CADM2: variants seen among roughly 807,000 people sequenced by gnomAD.
CADM2 encodes the protein immunoglobulin superfamily member 4D.
CADM2 carries 12 observed loss-of-function variants against 49.8 expected under a neutral mutation model. The observed-to-expected ratio is 0.24, with a 90% CI of 0.15 to 0.39. CADM2 has a LOEUF of 0.39. Among genes scored for constraint, CADM2 ranks in the 10% least tolerant of loss-of-function variants. CADM2 has a pLI of 1.00. For synonymous variants in CADM2, 214 were observed against 175.4 expected (o/e 1.22, Z -1.74); for missense variants, 378 against 492.3 (o/e 0.77, Z 2.20).
At chr3:85,770,523 T>G (rs1577272008) in intron 2 of CADM2, among the ~76,000 whole-genome samples, 2 of 152,238 alleles carry the variant, frequency 1.3e-5, no homozygotes, top group East Asian at 3.9e-4. Flanking sequence ...CTCACTACGT[T>G]GCTCAGGCTA....
At chr3:85,474,024 T>C (rs910427664) in intron 1 of CADM2, among the ~76,000 whole-genome samples, 5 of 152,034 alleles carry the variant, frequency 3.3e-5, no homozygotes, top group African/African-American at 1.2e-4. Flanking sequence ...AGTGAAGTTT[T>C]ACTCATGAAA....
At chr3:85,687,701 A>G (rs532863936) in intron 1 of CADM2, among the ~76,000 whole-genome samples, 21 of 152,314 alleles carry the variant, frequency 1.4e-4, no homozygotes, top group Admixed American at 4.6e-4. Context: ...ATATGCAAAC[A>G]TGAGATTGAA....
At chr3:85,541,421 A>C (rs1189617666) in intron 1 of CADM2, among the ~76,000 whole-genome samples, 3 of 151,030 alleles carry the variant, frequency 2.0e-5, no homozygotes, top group African/African-American at 7.3e-5. Flanking sequence ...AGTATTACCA[A>C]AGTTTTGACA....
At chr3:85,543,579 T>A (rs909331803) in intron 1 of CADM2, among the ~76,000 whole-genome samples, 3 of 152,090 alleles carry the variant, frequency 2.0e-5, no homozygotes, top group Non-Finnish European at 4.4e-5. Context: ...CCACCGCACC[T>A]GGCCAAGTTC....
intron 1 of CADM2, among the ~76,000 whole-genome samples, chr3:85,602,461 T>G (rs965733253): frequency 6.6e-6 from 1 of 151,934 alleles, no homozygotes; most frequent in Non-Finnish European, 1.5e-5. Flanking sequence ...AGACTTAATC[T>G]CTACATTCCA....
intron 8 of CADM2, among the ~76,000 whole-genome samples, chr3:86,032,710 C>T (rs1478428916): frequency 1.3e-5 from 2 of 151,794 alleles, no homozygotes; most frequent in Non-Finnish European, 2.9e-5. Context: ...TGAAATGAAG[C>T]TCATAGGCAA....
Position 85,297,942 on chromosome 3 carries a change from A to C in CADM2, c.61+338274A>C, listed in dbSNP as rs576395606. Among the ~76,000 whole-genome samples, 3 of 152,198 alleles carry C rather than the reference A, an allele frequency of 2.0e-5. No homozygotes were observed. The South Asian group carries it at 6.2e-4, about 32-fold the overall frequency. On this transcript the variant is annotated intron_variant, in intron 1 of 9. Coordinates refer to ENST00000383699, the MANE Select transcript of CADM2 (RefSeq NM_001167675.2). ...ATAAATATTTGTTAGATGCCTTGAAAGGAAGAAATAAAAAACTGAAGACAT... is the reference window on the plus strand; with the variant it reads ...ATAAATATTTGTTAGATGCCTTGAACGGAAGAAATAAAAAACTGAAGACAT...
At chr3:85,725,034 A>T (rs1302078284) in intron 1 of CADM2, among the ~76,000 whole-genome samples, 1 of 151,902 alleles carries the variant, frequency 6.6e-6, no homozygotes, top group Admixed American at 6.6e-5. Flanking sequence ...AAATCTTCAC[A>T]ATAATATTGT....
chr3:85,750,615 T>C (rs2068820570), intron 2 of CADM2, among the ~76,000 whole-genome samples: 2 of 152,244 alleles, frequency 1.3e-5, no homozygotes, highest in Admixed American at 1.3e-4. Flanking sequence ...TTATTTCCCT[T>C]TCTCATGGTA....
chr3:85,123,864 A>G (rs1007183358), intron 1 of CADM2, among the ~76,000 whole-genome samples: 1 of 152,194 alleles, frequency 6.6e-6, no homozygotes, highest in Non-Finnish European at 1.5e-5. Context: ...AAATTGCACA[A>G]GACAAATTTT....
intron 1 of CADM2, among the ~76,000 whole-genome samples, chr3:85,663,444 G>A (rs147097426): frequency 6.6e-6 from 1 of 151,728 alleles, no homozygotes; most frequent in Non-Finnish European, 1.5e-5. Context: ...CTTTCATCTG[G>A]TGATTCTGCT....
intron 5 of CADM2, among the ~76,000 whole-genome samples, chr3:85,909,901 G>A (rs545800864): frequency 2.2e-4 from 34 of 152,256 alleles, no homozygotes; most frequent in African/African-American, 7.9e-4. Flanking sequence ...GGGGAAGAAG[G>A]TCAGCCTAAA....
intron 1 of CADM2, among the ~76,000 whole-genome samples, chr3:85,710,525 A>T (rs73147242): frequency 0.21 from 31,850 of 152,008 alleles, 4,175 homozygotes; most frequent in Non-Finnish European, 0.29. Flanking sequence ...GGAACATTGG[A>T]TATATTTTAT....
chr3:85,724,569 A>G (rs1479354914), intron 1 of CADM2, among the ~76,000 whole-genome samples: 1 of 152,010 alleles, frequency 6.6e-6, no homozygotes, highest in African/African-American at 2.4e-5. Context: ...AAAATATGCA[A>G]CTATTAAAAT....
intron 7 of CADM2, among the ~76,000 whole-genome samples, chr3:85,957,305 A>G (rs1026995389): frequency 1.3e-5 from 2 of 151,650 alleles, no homozygotes; most frequent in South Asian, 2.1e-4. Flanking sequence ...AACGATACAT[A>G]TTATTATATT....
intron 1 of CADM2, among the ~76,000 whole-genome samples, chr3:85,505,572 G>A (rs1157602658): frequency 6.6e-6 from 1 of 152,168 alleles, no homozygotes; most frequent in Non-Finnish European, 1.5e-5. Flanking sequence ...TAACATTAAT[G>A]TGTTTTGCTT....
chr3:85,412,162 T>C (rs1443555915), intron 1 of CADM2, among the ~76,000 whole-genome samples: 1 of 152,090 alleles, frequency 6.6e-6, no homozygotes, highest in East Asian at 1.9e-4. Flanking sequence ...GCCTTACACA[T>C]ATATAGAATT....
chr3:85,836,341 A>G (rs568785882), intron 3 of CADM2, among the ~76,000 whole-genome samples: 19 of 151,632 alleles, frequency 1.3e-4, no homozygotes, highest in Non-Finnish European at 1.5e-4. Context: ...AGTGAAAGAA[A>G]AGAAAAAACT....
chr3:86,049,932 C>G (rs77083397), intron 8 of CADM2, among the ~76,000 whole-genome samples: 5,226 of 152,150 alleles, frequency 0.034, 171 homozygotes, highest in African/African-American at 0.084. Context: ...TCATTCTGTG[C>G]CTGATGCTTC....
Sources: allele counts gnomAD v4.1 joint callset (sites outside exome capture counted in the v4.1 genomes callset), GRCh38; gene constraint gnomAD v4.1.1; transcripts MANE v1.5; gene names NCBI Gene and HGNC (gene_info 2026-07-23, HGNC 2026-07-21).